WDPCP: variants seen among roughly 807,000 people sequenced by gnomAD.
WDPCP encodes WD repeat containing planar cell polarity effector.
A neutral mutation model predicts 93.1 loss-of-function variants in WDPCP; 71 were observed. That is an observed-to-expected ratio of 0.76 (90% CI 0.63 to 0.93). The LOEUF is 0.93. Among genes scored for constraint, WDPCP ranks in the 40% least tolerant of loss-of-function variants. The pLI is 0.00. For synonymous variants in WDPCP, 315 were observed against 315.0 expected, an observed-to-expected ratio of 1.00 and a Z score of 0.00; for missense variants, 844 against 887.4, an observed-to-expected ratio of 0.95 and a Z score of 0.62.
At chr2:63,439,675 A>G (rs1697370421) in intron 7 of WDPCP, 82 bp downstream of exon 7, 1 of 1,232,532 alleles carries the variant, frequency 8.1e-7, no homozygotes, top group Non-Finnish European at 1.2e-6. Context: ...CCCAGTGGTA[A>G]TAATTAGTCT....
intron 15 of WDPCP, among the ~76,000 whole-genome samples, chr2:63,172,983 T>C (rs1029376601): frequency 2.0e-5 from 3 of 152,054 alleles, no homozygotes; most frequent in African/African-American, 7.2e-5. Context: ...ATTTGTGGGC[T>C]GGGTGTGGTT....
Position 63,643,655 on chromosome 2 carries a change from C to T in WDPCP, n.488+7004G>A, listed in dbSNP as rs751706242. Reference sequence around the variant, plus strand: ...AGATGAGGAATTCCTTTTGTACCCACAAAGATTTTTCTCACTTTGCACAAC... The same window carrying T: ...AGATGAGGAATTCCTTTTGTACCCATAAAGATTTTTCTCACTTTGCACAAC... On this transcript the variant is annotated intron_variant and non_coding_transcript_variant, in intron 3 of 4. Coordinates refer to the WDPCP transcript ENST00000467687. 4 of 462,800 alleles carry T rather than the reference C, an allele frequency of 8.6e-6. No individual in the cohort carries two copies. The Admixed American group carries it at 1.0e-4, about 12-fold the overall frequency. The allele number at this position is 462,800 out of a possible 1,614,324, so 28.7% of individuals were successfully genotyped here.
At chr2:63,509,840 A>G (rs1486938850) in intron 1 of WDPCP, among the ~76,000 whole-genome samples, 1 of 152,220 alleles carries the variant, frequency 6.6e-6, no homozygotes, top group Non-Finnish European at 1.5e-5. Flanking sequence ...GAAGAAATGG[A>G]TAAATTCCTA....
intron 8 of WDPCP, among the ~76,000 whole-genome samples, chr2:63,435,421 A>G (rs1697065839): frequency 6.6e-6 from 1 of 152,166 alleles, no homozygotes; most frequent in Non-Finnish European, 1.5e-5. Flanking sequence ...TCTTATATTT[A>G]AGCTCTCAAT....
chr2:63,232,427 T>C (rs566938987), intron 14 of WDPCP: 1 of 152,372 alleles, frequency 6.6e-6, no homozygotes, highest in African/African-American at 2.4e-5. Flanking sequence ...TTGCAATCTT[T>C]CCTTCTAAGT....
intron 7 of WDPCP, among the ~76,000 whole-genome samples, chr2:63,438,601 G>A (rs1206042942): frequency 1.3e-5 from 2 of 152,156 alleles, no homozygotes; most frequent in East Asian, 3.9e-4. Context: ...CTTCTACAGG[G>A]AAGCTTCCTC....
chr2:63,309,799 A>T (rs1202285055), intron 13 of WDPCP, among the ~76,000 whole-genome samples: 4 of 152,146 alleles, frequency 2.6e-5, no homozygotes, highest in Admixed American at 2.0e-4. Flanking sequence ...TTAAAACAAA[A>T]AAAAACCCCA....
chr2:63,534,890 G>A (rs1704158863), intron 1 of WDPCP, among the ~76,000 whole-genome samples: 1 of 152,110 alleles, frequency 6.6e-6, no homozygotes, highest in Non-Finnish European at 1.5e-5. Flanking sequence ...GAAATAAAGG[G>A]TATTCAATTA....
At chr2:63,643,573 T>C (rs1710010210) in intron 3 of WDPCP, 2 of 432,884 alleles carry the variant, frequency 4.6e-6, no homozygotes, top group Non-Finnish European at 4.5e-6. Flanking sequence ...TCTGAATCTG[T>C]TACTCACCTT....
chr2:63,263,224 A>G (rs1349349967), intron 13 of WDPCP, among the ~76,000 whole-genome samples: 1 of 152,228 alleles, frequency 6.6e-6, no homozygotes, highest in African/African-American at 2.4e-5. Flanking sequence ...GATTTAGCCT[A>G]GGAATTTAGT....
rs1703369683 is a variant in WDPCP at position 63,526,784 on chromosome 2, T to G, written c.76-33844A>C. On this transcript the variant is annotated intron_variant, in intron 1 of 17. Transcript: ENST00000272321. ...CCCCCATACTTCAATCCCAGTTTTT[T>G]GTCACATTCTGTTTTGGTTTTAACT... Among the ~76,000 whole-genome samples, 4 of 152,210 alleles carry G rather than the reference T, an allele frequency of 2.6e-5. No homozygotes were observed. The South Asian group carries it at 8.3e-4, about 32-fold the overall frequency.
In WDPCP at chr2:63,277,068, A is replaced by AT. The variant is rs556684334; in HGVS notation, c.1813-17660dup. On this transcript the variant is annotated intron_variant, in intron 13 of 17. Coordinates refer to ENST00000272321, the MANE Select transcript of WDPCP (RefSeq NM_015910.7). ...ATAAGCTAAAAGGAATTGGGGTCCT[A>AT]TTTTTAGCCTCCTTAAACAAAGCAA... 2.0e-4 allele frequency among the ~76,000 whole-genome samples: 31 copies of AT among 152,324 alleles called. No individual in the cohort carries two copies. The South Asian group carries it at 6.0e-3, about 29-fold the overall frequency.
At chr2:63,596,248 T>C (rs1415086708) in intron 3 of WDPCP, among the ~76,000 whole-genome samples, 10 of 152,214 alleles carry the variant, frequency 6.6e-5, no homozygotes, top group Non-Finnish European at 1.5e-4. Flanking sequence ...TCCTAGAAGT[T>C]TGCACAAAGC....
chr2:63,472,620 ACT>A lies in WDPCP; in HGVS notation c.384+11982_384+11983del, dbSNP rs1201091731. On this transcript the variant is annotated intron_variant, in intron 6 of 17. Coordinates refer to ENST00000272321, the MANE Select transcript of WDPCP (RefSeq NM_015910.7). ...TTTTATTTTTTTGATATGGAGTCTC[ACT>A]CTGTCTCCCAGGCTGGAGTACAGTA... Among the ~76,000 whole-genome samples, 7 of 151,792 alleles carry A rather than the reference ACT, an allele frequency of 4.6e-5. No homozygotes were observed. In the South Asian group the frequency reaches 1.5e-3, roughly 32 times the overall value.
chr2:63,641,870 C>T (rs890779754), intron 3 of WDPCP, among the ~76,000 whole-genome samples: 17 of 152,118 alleles, frequency 1.1e-4, no homozygotes, highest in African/African-American at 4.1e-4. Flanking sequence ...TTTTTGCCTA[C>T]ACCAATGTCG....
chr2:63,646,864 T>C (rs767676404), intron 3 of WDPCP, among the ~76,000 whole-genome samples: 43 of 152,244 alleles, frequency 2.8e-4, no homozygotes, highest in Non-Finnish European at 5.6e-4. Flanking sequence ...GGGAGTTTGA[T>C]TTTTAAATGT....
intron 14 of WDPCP, among the ~76,000 whole-genome samples, chr2:63,200,980 T>C (rs538615064): frequency 3.9e-5 from 6 of 152,212 alleles, no homozygotes; most frequent in African/African-American, 7.2e-5. Flanking sequence ...CTAAATGATA[T>C]GGTTTGGGTC....
intron 13 of WDPCP, among the ~76,000 whole-genome samples, chr2:63,276,826 T>G (rs2104902319): frequency 6.6e-6 from 1 of 152,280 alleles, no homozygotes; most frequent in East Asian, 1.9e-4. Context: ...CGAGGAAAAC[T>G]TCCTTAGCCT....
intron 2 of WDPCP, among the ~76,000 whole-genome samples, chr2:63,703,440 T>C (rs932329568): frequency 2.0e-4 from 30 of 152,328 alleles, no homozygotes; most frequent in Non-Finnish European, 3.8e-4. Flanking sequence ...GGTATCTCAT[T>C]GTGGTTTTGA....
Sources: allele counts gnomAD v4.1 joint callset (sites outside exome capture counted in the v4.1 genomes callset), GRCh38; gene constraint gnomAD v4.1.1; transcripts MANE v1.5; gene names NCBI Gene and HGNC (gene_info 2026-07-23, HGNC 2026-07-21).